The following OPN3 variants were observed in gnomAD, a reference collection of about 807,000 sequenced individuals.
The protein encoded by OPN3 is opsin 3.
A neutral mutation model predicts 33.8 loss-of-function variants in OPN3; 29 were observed. The observed-to-expected ratio is 0.86, with a 90% CI of 0.64 to 1.17. OPN3 has a LOEUF of 1.17. Ranked by LOEUF, OPN3 falls within the 50% of genes most tolerant of loss-of-function variation. The pLI, the probability that OPN3 is intolerant of heterozygous loss-of-function variation, is 0.00. For synonymous variants in OPN3, 216 were observed against 216.1 expected (o/e 1.00, Z 0.00); for missense variants, 437 against 514.1 (o/e 0.85, Z 1.45).
chr1:241,626,643 C>G (rs948574375), intron 1 of OPN3, among the ~76,000 whole-genome samples: 2 of 152,108 alleles, frequency 1.3e-5, no homozygotes, highest in Non-Finnish European at 2.9e-5. Context: ...TCCTTTAAAG[C>G]TGGTAAAATA....
intron 1 of OPN3, among the ~76,000 whole-genome samples, chr1:241,627,125 A>G (rs1380986088): frequency 3.3e-5 from 5 of 152,176 alleles, no homozygotes; most frequent in Non-Finnish European, 5.9e-5. Flanking sequence ...AAGGTATTAT[A>G]TATAAAGATT....
chr1:241,636,991 T>C (rs1664921677), intron 1 of OPN3, among the ~76,000 whole-genome samples: 1 of 152,130 alleles, frequency 6.6e-6, no homozygotes, highest in Admixed American at 6.5e-5. Context: ...CCTGTTAACT[T>C]TGAGCATAAT....
intron 1 of OPN3, among the ~76,000 whole-genome samples, chr1:241,621,298 C>T (rs1050437982): frequency 3.3e-5 from 5 of 152,140 alleles, no homozygotes; most frequent in African/African-American, 1.2e-4. Context: ...AAGACTGGCT[C>T]TTTGAAGAAA....
chr1:241,601,643 T>G (rs189939932), intron 2 of OPN3, among the ~76,000 whole-genome samples: 2 of 151,748 alleles, frequency 1.3e-5, no homozygotes, highest in Admixed American at 1.3e-4. Flanking sequence ...GAGGCGGAGG[T>G]TGCAGTGAGC....
chr1:241,607,560 G>GAAAGAAAGAA (rs1663866438), intron 1 of OPN3, among the ~76,000 whole-genome samples: 3 of 88,090 alleles, frequency 3.4e-5, no homozygotes, highest in African/African-American at 1.2e-4. Context: ...AGGAAGGAAG[G>GAAAGAAAGAA]AAGAAAGAAA....
At chr1:241,639,800 G>C in intron 1 of OPN3, 82 bp downstream of exon 1, 2 of 1,305,848 alleles carry the variant, frequency 1.5e-6, no homozygotes, top group South Asian at 1.6e-5. Flanking sequence ...GGGCGGGCTG[G>C]GGGGCGGACG....
At position 241,633,939 on chromosome 1, in the gene OPN3, G is replaced by A. The variant is rs1295152120; in HGVS notation, c.373+5943C>T. The A allele has an allele frequency of 3.7e-6, 6 of 1,613,924 alleles. No homozygotes were observed. In the South Asian group the frequency reaches 6.6e-5, roughly 18 times the overall value. ...AAGATAATGTCTTCTGGATTTGGAG[G>A]TGGAGGGCAGAATTCTTCAGTTGGA... On this transcript the variant is annotated intron_variant, in intron 1 of 3. Coordinates refer to ENST00000366554, the MANE Select transcript of OPN3 (RefSeq NM_014322.3).
Position 241,593,443 on chromosome 1 carries a change from TG to T in OPN3, c.*984del. The T allele has an allele frequency of 2.8e-6, 1 of 363,260 alleles. No homozygotes were observed. The highest frequency in any genetic ancestry group is 6.4e-6 in the Non-Finnish European group (1 of 156,946). The allele number at this position is 363,260 out of a possible 1,614,324, so 22.5% of individuals were successfully genotyped here. A position where few individuals can be genotyped will look rare whatever the true frequency, so the allele number is the denominator to read the frequency against. ...CTAGAGTCATATAAGAAATAAAAAT[TG>T]GGCAATAAAATAAAATGATTCAGTG... On this transcript the variant is annotated 3_prime_UTR_variant, in exon 4 of 4. Transcript: ENST00000366554.
chr1:241,603,866 C>T (rs1042550339), intron 2 of OPN3, among the ~76,000 whole-genome samples: 3 of 152,156 alleles, frequency 2.0e-5, no homozygotes, highest in Middle Eastern at 3.2e-3. Context: ...CTGGTGTGAT[C>T]GCCAAACAAA....
rs1663440528 is a variant in OPN3, at chr1:241,594,596, G to A, written c.1041C>T (p.Ile347=). 1 of 1,614,014 alleles carries A rather than the reference G, an allele frequency of 6.2e-7. No individual in the cohort carries two copies. The highest frequency in any genetic ancestry group is 8.5e-7 in the Non-Finnish European group (1 of 1,180,006). The part of the protein sequence containing the change: ...DLPAAGSEMQ[I]RPIVMSQKDG... ...CTTTCTGTGACATCACAATGGGTCT[G>A]ATCTGCATTTCACTTCCAGCTGCTG... The change falls in exon 4 of 4, where the codon ATC becomes ATT. Residue 347 remains isoleucine, a synonymous_variant. Transcript: ENST00000366554.
intron 1 of OPN3, among the ~76,000 whole-genome samples, chr1:241,607,839 T>C (rs1663883283): frequency 6.6e-6 from 1 of 151,952 alleles, no homozygotes; most frequent in Admixed American, 6.6e-5. Flanking sequence ...ATAGCAAATA[T>C]AGCAAATAAT....
intron 1 of OPN3, among the ~76,000 whole-genome samples, chr1:241,623,453 A>T (rs1313497126): frequency 6.6e-6 from 1 of 152,142 alleles, no homozygotes; most frequent in Admixed American, 6.5e-5. Flanking sequence ...AGCAAATGCA[A>T]TCTGTTTCCT....
At chr1:241,634,527 C>G in intron 1 of OPN3, 1 of 1,613,972 alleles carries the variant, frequency 6.2e-7, no homozygotes, top group Non-Finnish European at 8.5e-7. Flanking sequence ...CGTCCAGATT[C>G]TTTGTCGACT....
At chr1:241,611,547 T>A (rs1394842685) in intron 1 of OPN3, among the ~76,000 whole-genome samples, 2 of 150,786 alleles carry the variant, frequency 1.3e-5, no homozygotes, top group Non-Finnish European at 2.9e-5. Context: ...AATCCTCTTA[T>A]CCTATTCCAG....
intron 1 of OPN3, among the ~76,000 whole-genome samples, chr1:241,605,769 G>A (rs907025352): frequency 6.6e-6 from 1 of 152,248 alleles, no homozygotes; most frequent in Admixed American, 6.5e-5. Flanking sequence ...GCATGGAGAC[G>A]TAAAAGGACA....
chr1:241,635,544 C>CA (rs1558448281), intron 1 of OPN3: 1 of 1,614,076 alleles, frequency 6.2e-7, no homozygotes, highest in East Asian at 2.2e-5. Context: ...TCCTGCCATA[C>CA]AACAGTACTT....
At chr1:241,601,756 CA>C (rs1201402648) in intron 2 of OPN3, among the ~76,000 whole-genome samples, 3 of 151,738 alleles carry the variant, frequency 2.0e-5, no homozygotes, top group Admixed American at 1.3e-4. Flanking sequence ...CAAAACGAAA[CA>C]AAAAAACATG....
At chr1:241,636,419 C>A (rs1359136381) in intron 1 of OPN3, among the ~76,000 whole-genome samples, 1 of 152,198 alleles carries the variant, frequency 6.6e-6, no homozygotes, top group African/African-American at 2.4e-5. Context: ...AAAAGGAACG[C>A]ATGGCTCCAC....
Position 241,604,485 on chromosome 1 carries a change from C to T in OPN3, c.468G>A (p.Arg156=), listed in dbSNP as rs1471093474. 2 of 1,614,000 alleles carry T rather than the reference C, an allele frequency of 1.2e-6. No homozygotes were observed. The highest frequency in any genetic ancestry group is 1.7e-6 in the Non-Finnish European group (2 of 1,180,044). Residue 156 remains arginine, a synonymous_variant, in exon 2 of 4, where the codon AGG becomes AGA. Transcript: ENST00000366554. ...AGTAGAGCCAGATGTAGGTAATGGC[C>T]CTCCAGGCCCAGGAAAAATTGATCA... The part of the protein sequence containing the change: ...ARVINFSWAW[R]AITYIWLYSL...
Sources: gnomAD v4.1 joint callset for allele counts (sites outside exome capture counted in the v4.1 genomes callset) on GRCh38, gnomAD v4.1.1 for gene constraint, MANE v1.5 for transcripts, NCBI Gene and HGNC (gene_info 2026-07-23, HGNC 2026-07-21) for gene names.